LARGE1: variants seen among roughly 807,000 people sequenced by gnomAD.
The protein encoded by LARGE1 is xylosyl- and glucuronyltransferase LARGE1.
A neutral mutation model predicts 87.6 loss-of-function variants in LARGE1; 43 were observed. The observed-to-expected ratio is 0.49, with a 90% CI of 0.38 to 0.63. LARGE1 has a LOEUF of 0.63. LARGE1 is among the 30% of genes least tolerant of loss of function. The pLI is 0.00. For synonymous variants in LARGE1, 434 were observed against 394.6 expected (o/e 1.10, Z -1.18); for missense variants, 802 against 1,000.2 (o/e 0.80, Z 2.67).
chr22:33,069,582 T>G, the LARGE1 span, among the ~76,000 whole-genome samples: 1 of 152,018 alleles, frequency 6.6e-6, no homozygotes, highest in East Asian at 1.9e-4. Context: ...GTGTAATAAT[T>G]GAACCTATTA....
intron 2 of LARGE1, among the ~76,000 whole-genome samples, chr22:33,671,404 G>A (rs574511010): frequency 4.6e-5 from 7 of 152,326 alleles, no homozygotes; most frequent in South Asian, 4.1e-4. Flanking sequence ...TACGTAAAGT[G>A]TAAAATGCTT....
At chr22:33,877,582 C>A (rs914960947) in intron 1 of LARGE1, among the ~76,000 whole-genome samples, 2 of 152,062 alleles carry the variant, frequency 1.3e-5, no homozygotes, top group African/African-American at 4.8e-5. Context: ...CAGGAAAATA[C>A]TACAGAACAC....
chr22:33,846,098 T>A (rs534023277), intron 1 of LARGE1, among the ~76,000 whole-genome samples: 19 of 152,340 alleles, frequency 1.2e-4, no homozygotes, highest in Admixed American at 1.0e-3. Context: ...ATCTCTGCCC[T>A]CTGTATACTT....
chr22:33,543,025 G>A (rs2077255402), intron 6 of LARGE1, among the ~76,000 whole-genome samples: 1 of 152,100 alleles, frequency 6.6e-6, no homozygotes, highest in South Asian at 2.1e-4. Context: ...TCCTACATGT[G>A]TGCATGTAAG....
chr22:33,805,448 C>A (rs1354542709), intron 1 of LARGE1, among the ~76,000 whole-genome samples: 1 of 152,076 alleles, frequency 6.6e-6, no homozygotes, highest in Non-Finnish European at 1.5e-5. Context: ...AAAGACTCAA[C>A]CCTGGTCGGG....
At chr22:33,247,528 C>T (rs544815024) in intron 11 of LARGE1, among the ~76,000 whole-genome samples, 3 of 152,304 alleles carry the variant, frequency 2.0e-5, no homozygotes, top group South Asian at 2.1e-4. Flanking sequence ...TCCAGAGACA[C>T]ATTCAACCAA....
chr22:33,911,745 T>C (rs2065644273), intron 1 of LARGE1, among the ~76,000 whole-genome samples: 2 of 152,242 alleles, frequency 1.3e-5, no homozygotes. Context: ...TTCGGTATTG[T>C]ACTCTCCTTG....
chr22:33,471,033 T>C (rs866810788), intron 6 of LARGE1, among the ~76,000 whole-genome samples: 2,766 of 148,838 alleles, frequency 0.019, 68 homozygotes, highest in African/African-American at 0.065. Flanking sequence ...CTTCTTCTTT[T>C]TTTTTTTTTT....
At chr22:33,165,491 A>G (rs759053752) in exon 12 of LARGE1, 1 of 152,226 alleles carries the variant, frequency 6.6e-6, no homozygotes, top group Non-Finnish European at 1.5e-5. Flanking sequence ...CACCAGTTTG[A>G]TTCCTCATCT....
rs1265495269 is a variant in LARGE1 at position 33,458,146 on chromosome 22, G to A, written c.788-25881C>T. Among the ~76,000 whole-genome samples the A allele has an allele frequency of 4.8e-5, 7 of 145,096 alleles. No individual in the cohort carries two copies. The East Asian group carries it at 6.0e-4, about 12-fold the overall frequency. ...TTTTGAGATGGAGTCTCACTCTGTC[G>A]TTCAGGCTGGAGTGCAGTGGCATGA... is the stretch of plus-strand genomic sequence containing the variant. On this transcript the variant is annotated intron_variant, in intron 6 of 14. Coordinates refer to ENST00000397394, the MANE Select transcript of LARGE1 (RefSeq NM_133642.5).
At chr22:33,807,208 C>T (rs2899212) in intron 1 of LARGE1, among the ~76,000 whole-genome samples, 53,693 of 151,970 alleles carry the variant, frequency 0.35, 9,687 homozygotes, top group Admixed American at 0.47. Context: ...TCTCTGTGCT[C>T]AGTTTCATTA....
At chr22:33,878,125 A>ATTTCTTTTTT (rs2064531027) in intron 1 of LARGE1, among the ~76,000 whole-genome samples, 1 of 51,234 alleles carries the variant, frequency 2.0e-5, no homozygotes, top group Non-Finnish European at 4.1e-5. Context: ...TTTATATTGT[A>ATTTCTTTTTT]TTTCTTTTTT....
At position 33,390,774 on chromosome 22, in the gene LARGE1, C is replaced by A. The variant is rs150097633; in HGVS notation, c.893-6470G>T. On this transcript the variant is annotated intron_variant, in intron 7 of 14. Coordinates refer to ENST00000397394, the MANE Select transcript of LARGE1 (RefSeq NM_133642.5). The stretch of plus-strand genomic sequence containing the variant: ...AGTGGCACGATCTCAGCTCACTGCA[C>A]CCTCCGCCTCCCAGGTTTAAGCCAT... 5.8e-3 allele frequency among the ~76,000 whole-genome samples: 881 copies of A among 151,482 alleles called. 9 individuals are homozygous for A. Among genetic ancestry groups the A allele is most frequent in the South Asian group, 0.031 (149 of 4,788 alleles).
At chr22:33,762,473 G>T (rs1394409288) in intron 1 of LARGE1, among the ~76,000 whole-genome samples, 1 of 152,098 alleles carries the variant, frequency 6.6e-6, no homozygotes, top group Non-Finnish European at 1.5e-5. Flanking sequence ...CAAGGAGATG[G>T]GAGAGGCCAC....
rs142305712 is a variant in LARGE1, at chr22:33,755,911, T to C, written c.106+5460A>G. ...AACAAGCAAAATATCTCTTGATGAC[T>C]GCTGGTCATAGATGTTTCCACATGG... is the stretch of plus-strand genomic sequence containing the variant. On this transcript the variant is annotated intron_variant, in intron 2 of 14. Transcript: ENST00000397394. Among the ~76,000 whole-genome samples the C allele has an allele frequency of 3.6e-3, 554 of 152,330 alleles. 2 individuals are homozygous for C. The highest frequency in any genetic ancestry group is 0.012 in the African/African-American group (514 of 41,562).
chr22:33,255,808 T>C (rs1027373934), intron 11 of LARGE1, among the ~76,000 whole-genome samples: 8 of 152,222 alleles, frequency 5.3e-5, no homozygotes, highest in Admixed American at 2.0e-4. Context: ...GCTAGGAATG[T>C]TTTAAATCAT....
At chr22:33,236,418 C>T (rs940813153) in intron 11 of LARGE1, among the ~76,000 whole-genome samples, 3 of 152,100 alleles carry the variant, frequency 2.0e-5, no homozygotes, top group African/African-American at 7.2e-5. Context: ...TTTCATTTTT[C>T]TTTGGAAATT....
At position 33,789,522 on chromosome 22, in the gene LARGE1, T is replaced by C. The variant is rs560733899; in HGVS notation, c.-82-27964A>G. 2.1e-3 allele frequency among the ~76,000 whole-genome samples: 313 copies of C among 152,236 alleles called. 1 individual carries two copies. Among genetic ancestry groups the C allele is most frequent in the Non-Finnish European group, 2.3e-3 (156 of 68,004 alleles). On this transcript the variant is annotated intron_variant, in intron 1 of 14. Coordinates refer to ENST00000397394, the MANE Select transcript of LARGE1 (RefSeq NM_133642.5). ...CACTGTCCTTTAGACCCTAGAATGG[T>C]AGATCCAGCAACAGCTTGCACCAAG...
chr22:33,076,555 T>G, the LARGE1 span, among the ~76,000 whole-genome samples: 1 of 152,232 alleles, frequency 6.6e-6, no homozygotes, highest in Non-Finnish European at 1.5e-5. Flanking sequence ...TTCAGATTTA[T>G]TCTGTCAATG....
Sources: allele counts gnomAD v4.1 joint callset (sites outside exome capture counted in the v4.1 genomes callset), GRCh38; gene constraint gnomAD v4.1.1; transcripts MANE v1.5; gene names NCBI Gene and HGNC (gene_info 2026-07-23, HGNC 2026-07-21).